The following LRRIQ1 variants were observed in gnomAD, a reference collection of about 807,000 sequenced individuals.
LRRIQ1 encodes the protein leucine-rich repeat- and IQ domain-containing protein 1.
LRRIQ1 carries 210 observed loss-of-function variants against 211.9 expected under a neutral mutation model. The ratio of observed to expected loss-of-function variants is 0.99; its 90% CI spans 0.89 to 1.11. The LOEUF is 1.11. LRRIQ1 is among the 50% of genes most tolerant of loss of function. The pLI, the probability that LRRIQ1 is intolerant of heterozygous loss-of-function variation, is 0.00. For missense variants in LRRIQ1, 2,136 were observed against 1,939.5 expected (o/e 1.10, Z -1.90); for synonymous variants, 699 against 650.1 (o/e 1.08, Z -1.14).
chr12:85,155,797 T>C (rs2136691374), intron 23 of LRRIQ1, among the ~76,000 whole-genome samples: 1 of 151,822 alleles, frequency 6.6e-6, no homozygotes, highest in Admixed American at 6.6e-5. Context: ...AATATATAGG[T>C]CTTTCTTGCC....
chr12:85,133,559 G>C (rs1383683249), intron 18 of LRRIQ1, among the ~76,000 whole-genome samples: 1 of 152,132 alleles, frequency 6.6e-6, no homozygotes, highest in African/African-American at 2.4e-5. Flanking sequence ...TGAAATAGAT[G>C]GTGAGGTTTG....
chr12:85,094,018 T>C (rs1217018514), intron 11 of LRRIQ1, among the ~76,000 whole-genome samples: 1 of 152,198 alleles, frequency 6.6e-6, no homozygotes, highest in Non-Finnish European at 1.5e-5. Flanking sequence ...CTGCAAATGA[T>C]GGTGGCCTTA....
At chr12:85,183,272 G>A (rs1892073704) in intron 24 of LRRIQ1, among the ~76,000 whole-genome samples, 1 of 152,048 alleles carries the variant, frequency 6.6e-6, no homozygotes, top group Non-Finnish European at 1.5e-5. Flanking sequence ...AGTTATTTAA[G>A]CAGTACTTTG....
chr12:85,071,201 T>A (rs1035546361), intron 10 of LRRIQ1, among the ~76,000 whole-genome samples: 1 of 151,952 alleles, frequency 6.6e-6, no homozygotes, highest in African/African-American at 2.4e-5. Flanking sequence ...TTTTGTATAA[T>A]ATGTACATAT....
At chr12:85,193,072 AT>A (rs1489207637) in intron 24 of LRRIQ1, among the ~76,000 whole-genome samples, 45 of 100,614 alleles carry the variant, frequency 4.5e-4, no homozygotes, top group African/African-American at 1.0e-3. Flanking sequence ...ATTATATTAT[AT>A]TTTATTATAT....
intron 22 of LRRIQ1, 63 bp from the exon 23 acceptor site, chr12:85,153,949 T>TATGCATATAAAAATAGAC: frequency 4.5e-6 from 5 of 1,108,422 alleles, no homozygotes; most frequent in Non-Finnish European, 6.4e-6. Context: ...TCTATTTTTA[T>TATGCATATAAAAATAGAC]ATGCATATCT....
At chr12:85,126,598 A>G (rs901731550) in intron 17 of LRRIQ1, among the ~76,000 whole-genome samples, 9 of 152,096 alleles carry the variant, frequency 5.9e-5, no homozygotes, top group Non-Finnish European at 1.0e-4. Flanking sequence ...GAATATGAAT[A>G]TTTTTTTCAA....
At chr12:85,088,442 T>A (rs1885056913) in intron 11 of LRRIQ1, among the ~76,000 whole-genome samples, 1 of 152,140 alleles carries the variant, frequency 6.6e-6, no homozygotes, top group Non-Finnish European at 1.5e-5. Flanking sequence ...CTTTTTTGGT[T>A]CCATATGAAC....
At chr12:85,145,800 A>G (rs1889854190) in intron 19 of LRRIQ1, among the ~76,000 whole-genome samples, 1 of 151,772 alleles carries the variant, frequency 6.6e-6, no homozygotes, top group African/African-American at 2.4e-5. Context: ...AGGGAAACAC[A>G]GTCTCTGCCT....
rs376553002 is a variant in LRRIQ1, at chr12:85,055,917, G to A, written c.1124G>A (p.Arg375Lys). ...AAAAAGAATATTGTGAAACAGGAAAGAGAGCAACTAATAAGCAAGGAAAAA... is the reference window on the plus strand; with the variant it reads ...AAAAAGAATATTGTGAAACAGGAAAAAGAGCAACTAATAAGCAAGGAAAAA... ...EEKKNIVKQE[R>K]EQLISKEKII... The change falls in exon 8 of 27, where the codon AGA becomes AAA. Residue 375 changes from arginine (R) to lysine (K), a missense_variant. Physicochemically the swap from Arg to Lys is conservative, Grantham distance 26. Coordinates refer to ENST00000393217, the MANE Select transcript of LRRIQ1 (RefSeq NM_001079910.2). 6 of 1,603,676 alleles carry A rather than the reference G, an allele frequency of 3.7e-6. No homozygotes were observed. The highest frequency in any genetic ancestry group is 2.2e-5 in the East Asian group (1 of 44,660).
chr12:85,140,254 T>C (rs1244978390), intron 19 of LRRIQ1, among the ~76,000 whole-genome samples: 1 of 151,336 alleles, frequency 6.6e-6, no homozygotes, highest in Non-Finnish European at 1.5e-5. Flanking sequence ...TAATGACTTG[T>C]ATTAATAAGA....
At chr12:85,115,049 C>T (rs1330391955) in intron 15 of LRRIQ1, among the ~76,000 whole-genome samples, 1 of 152,184 alleles carries the variant, frequency 6.6e-6, no homozygotes, top group Non-Finnish European at 1.5e-5. Context: ...TCCATAGACT[C>T]AGTTTGAAAT....
chr12:85,147,949 C>A (rs1168097581), intron 19 of LRRIQ1, among the ~76,000 whole-genome samples: 5 of 151,632 alleles, frequency 3.3e-5, no homozygotes, highest in Admixed American at 3.3e-4. Context: ...AGGAGTGTAC[C>A]TGATTGCTGT....
chr12:85,166,892 T>C (rs1891178287), intron 24 of LRRIQ1, among the ~76,000 whole-genome samples: 2 of 152,224 alleles, frequency 1.3e-5, no homozygotes, highest in African/African-American at 4.8e-5. Flanking sequence ...GTTTTCCTAC[T>C]AAGTTTTGAG....
intron 13 of LRRIQ1, among the ~76,000 whole-genome samples, chr12:85,103,255 AAATT>A (rs985683164): frequency 1.3e-5 from 2 of 150,994 alleles, no homozygotes; most frequent in African/African-American, 4.8e-5. Context: ...AAATGGAGGA[AAATT>A]AATTATTACT....
chr12:85,259,515 A>G (rs1444316132), intron 1 of LRRIQ1, among the ~76,000 whole-genome samples: 1 of 152,126 alleles, frequency 6.6e-6, no homozygotes, highest in Non-Finnish European at 1.5e-5. Context: ...TTGGGAATTT[A>G]TATGATAACA....
At chr12:85,115,313 C>A (rs1887494168) in intron 15 of LRRIQ1, among the ~76,000 whole-genome samples, 1 of 152,166 alleles carries the variant, frequency 6.6e-6, no homozygotes, top group Admixed American at 6.5e-5. Flanking sequence ...GAGGCCAATC[C>A]ATGCACTGCT....
intron 11 of LRRIQ1, among the ~76,000 whole-genome samples, chr12:85,093,902 A>C (rs1885634884): frequency 6.6e-6 from 1 of 152,176 alleles, no homozygotes; most frequent in African/African-American, 2.4e-5. Flanking sequence ...ATTATTTCCC[A>C]ACCACAAAAG....
At chr12:85,219,052 T>G (rs1402839132) in intron 24 of LRRIQ1, among the ~76,000 whole-genome samples, 1 of 152,140 alleles carries the variant, frequency 6.6e-6, no homozygotes, top group Non-Finnish European at 1.5e-5. Flanking sequence ...CTTGTCCTAC[T>G]CACCTTACTC....
Sources: gnomAD v4.1 joint callset for allele counts (sites outside exome capture counted in the v4.1 genomes callset) on GRCh38, gnomAD v4.1.1 for gene constraint, MANE v1.5 for transcripts, NCBI Gene and HGNC (gene_info 2026-07-23, HGNC 2026-07-21) for gene names.